Variants in KCTD8 observed in about 807,000 individuals in gnomAD.
KCTD8 encodes potassium channel tetramerization domain containing 8, also known as BTB/POZ domain-containing protein KCTD8.
Under a neutral mutation model 31.5 loss-of-function variants are expected in KCTD8, and 27 were observed. The ratio of observed to expected loss-of-function variants is 0.86; its 90% CI spans 0.63 to 1.18. The LOEUF is 1.18. Ranked by LOEUF, KCTD8 falls within the 50% of genes most tolerant of loss-of-function variation. KCTD8 has a pLI of 0.00. For missense variants in KCTD8, 658 were observed against 647.7 expected, an observed-to-expected ratio of 1.02 and a Z score of -0.17; for synonymous variants, 290 against 280.0, an observed-to-expected ratio of 1.04 and a Z score of -0.36.
At chr4:44,224,480 T>A (rs927806800) in intron 1 of KCTD8, among the ~76,000 whole-genome samples, 1 of 152,194 alleles carries the variant, frequency 6.6e-6, no homozygotes, top group Non-Finnish European at 1.5e-5. Flanking sequence ...GATATCCATC[T>A]GCGTTTGTTA....
Position 44,439,350 on chromosome 4 carries a change from C to T in KCTD8, c.961+8213G>A, listed in dbSNP as rs960201482. Among the ~76,000 whole-genome samples, 4 of 151,724 alleles carry T rather than the reference C, an allele frequency of 2.6e-5. No homozygotes were observed. In the East Asian group the frequency reaches 5.8e-4, roughly 22 times the overall value. On this transcript the variant is annotated intron_variant, in intron 1 of 1. Transcript: ENST00000360029. Reference sequence around the variant, plus strand: ...TTCTTCCATTTTATTTGCTTTTTTCCCCGATAAAAGCAGGGTTTAATGAGA... The same window carrying T: ...TTCTTCCATTTTATTTGCTTTTTTCTCCGATAAAAGCAGGGTTTAATGAGA...
intron 1 of KCTD8, among the ~76,000 whole-genome samples, chr4:44,311,427 T>A (rs1032897790): frequency 6.6e-6 from 1 of 152,066 alleles, no homozygotes; most frequent in Admixed American, 6.6e-5. Context: ...AAGGAAAAAA[T>A]TGTTCATTCA....
At chr4:44,180,593 A>G (rs1052704121) in intron 1 of KCTD8, among the ~76,000 whole-genome samples, 1 of 150,084 alleles carries the variant, frequency 6.7e-6, no homozygotes, top group Admixed American at 6.6e-5. Context: ...ACATGCACAC[A>G]CACACACACA....
intron 1 of KCTD8, among the ~76,000 whole-genome samples, chr4:44,375,177 C>T (rs979828244): frequency 5.9e-5 from 9 of 152,044 alleles, no homozygotes; most frequent in Non-Finnish European, 1.2e-4. Flanking sequence ...AAGAGTCAGA[C>T]AATGTGGCCA....
At chr4:44,334,855 C>T (rs73815015) in intron 1 of KCTD8, among the ~76,000 whole-genome samples, 4,473 of 152,126 alleles carry the variant, frequency 0.029, 233 homozygotes, top group African/African-American at 0.1. Flanking sequence ...GCTTAATAAT[C>T]AAAATGAAAC....
At chr4:44,220,931 C>T (rs1257649672) in intron 1 of KCTD8, among the ~76,000 whole-genome samples, 1 of 152,138 alleles carries the variant, frequency 6.6e-6, no homozygotes, top group African/African-American at 2.4e-5. Flanking sequence ...TTTTGGAATA[C>T]ATGTGATGAA....
At chr4:44,289,544 A>T (rs1717206416) in intron 1 of KCTD8, among the ~76,000 whole-genome samples, 1 of 152,098 alleles carries the variant, frequency 6.6e-6, no homozygotes, top group Non-Finnish European at 1.5e-5. Flanking sequence ...GGGTTGTCAA[A>T]TGCCAGTGCT....
intron 1 of KCTD8, among the ~76,000 whole-genome samples, chr4:44,367,495 T>C (rs1719671518): frequency 6.6e-6 from 1 of 152,230 alleles, no homozygotes; most frequent in East Asian, 1.9e-4. Flanking sequence ...AGAAATTATA[T>C]ATATACAATC....
At chr4:44,437,755 A>G (rs1297348350) in intron 1 of KCTD8, among the ~76,000 whole-genome samples, 1 of 152,146 alleles carries the variant, frequency 6.6e-6, no homozygotes, top group African/African-American at 2.4e-5. Flanking sequence ...AAGACGATCA[A>G]TTTCTACCAT....
intron 1 of KCTD8, among the ~76,000 whole-genome samples, chr4:44,323,950 G>A (rs943216296): frequency 4.6e-5 from 7 of 151,240 alleles, no homozygotes; most frequent in African/African-American, 1.7e-4. Flanking sequence ...GCTAGATGAC[G>A]AGTTAGTGGG....
At chr4:44,317,228 C>CTTTTTTTTTTTT (rs760060899) in intron 1 of KCTD8, among the ~76,000 whole-genome samples, 539 of 36,524 alleles carry the variant, frequency 0.015, 135 homozygotes, top group Non-Finnish European at 0.016. Context: ...TGGGTGCTTT[C>CTTTTTTTTTTTT]TTTTTTTTTT....
intron 1 of KCTD8, among the ~76,000 whole-genome samples, chr4:44,274,965 G>C (rs1716712792): frequency 6.6e-6 from 1 of 151,856 alleles, no homozygotes; most frequent in South Asian, 2.1e-4. Context: ...TATACACAAA[G>C]TTGTAAAGTC....
At chr4:44,197,518 A>G (rs925975455) in intron 1 of KCTD8, among the ~76,000 whole-genome samples, 2 of 152,194 alleles carry the variant, frequency 1.3e-5, no homozygotes, top group African/African-American at 2.4e-5. Flanking sequence ...TGCTTAAGCA[A>G]TATCTATTGA....
At chr4:44,221,932 A>G (rs1714820184) in intron 1 of KCTD8, among the ~76,000 whole-genome samples, 1 of 152,190 alleles carries the variant, frequency 6.6e-6, no homozygotes, top group Admixed American at 6.5e-5. Context: ...GTTGACACTC[A>G]GTATTAACCA....
chr4:44,274,572 A>C (rs2109374550), intron 1 of KCTD8, among the ~76,000 whole-genome samples: 1 of 151,930 alleles, frequency 6.6e-6, no homozygotes, highest in Admixed American at 6.6e-5. Context: ...TTTCTACTAT[A>C]TTGAATTATC....
At chr4:44,206,594 C>T (rs548972400) in intron 1 of KCTD8, among the ~76,000 whole-genome samples, 2 of 152,342 alleles carry the variant, frequency 1.3e-5, no homozygotes, top group Non-Finnish European at 2.9e-5. Context: ...AGGCTGACTG[C>T]TCTTCCTTTG....
At chr4:44,395,490 C>A (rs886497372) in intron 1 of KCTD8, among the ~76,000 whole-genome samples, 7 of 152,076 alleles carry the variant, frequency 4.6e-5, no homozygotes, top group Non-Finnish European at 7.4e-5. Context: ...CCACCAGCAC[C>A]ATGAGGATTC....
chr4:44,419,058 G>A (rs1332805598), intron 1 of KCTD8, among the ~76,000 whole-genome samples: 2 of 152,044 alleles, frequency 1.3e-5, no homozygotes, highest in Non-Finnish European at 2.9e-5. Flanking sequence ...GAAATTCTGG[G>A]AAAATGGTGG....
At chr4:44,195,713 A>C (rs940785472) in intron 1 of KCTD8, among the ~76,000 whole-genome samples, 7 of 152,168 alleles carry the variant, frequency 4.6e-5, no homozygotes, top group Non-Finnish European at 4.4e-5. Context: ...TTTATATGCA[A>C]TTTTTGGTAA....
Sources: gnomAD v4.1 joint callset for allele counts (sites outside exome capture counted in the v4.1 genomes callset) on GRCh38, gnomAD v4.1.1 for gene constraint, MANE v1.5 for transcripts, NCBI Gene and HGNC (gene_info 2026-07-23, HGNC 2026-07-21) for gene names.